WDR19: variants seen among roughly 807,000 people sequenced by gnomAD.
The protein encoded by WDR19 is WD repeat-containing protein 19.
A neutral mutation model predicts 180.0 loss-of-function variants in WDR19; 121 were observed. The ratio of observed to expected loss-of-function variants is 0.67; its 90% CI spans 0.58 to 0.78. The LOEUF (loss-of-function observed/expected upper bound fraction) is 0.78. Ranked by LOEUF, WDR19 falls within the 30% of genes least tolerant of loss-of-function variation. WDR19 has a pLI of 0.00. For missense variants in WDR19, 1,450 were observed against 1,640.7 expected, an observed-to-expected ratio of 0.88 and a Z score of 2.01; for synonymous variants, 497 against 540.7, an observed-to-expected ratio of 0.92 and a Z score of 1.12.
At chr4:39,243,747 A>G (rs1056482770) in intron 21 of WDR19, among the ~76,000 whole-genome samples, 2 of 152,226 alleles carry the variant, frequency 1.3e-5, no homozygotes, top group South Asian at 2.1e-4. Flanking sequence ...GCTGATTTAG[A>G]TAAAATATAA....
chr4:39,257,921 C>A (rs143800318), intron 28 of WDR19, among the ~76,000 whole-genome samples: 4 of 152,070 alleles, frequency 2.6e-5, no homozygotes, highest in African/African-American at 7.2e-5. Flanking sequence ...GTGTACCCCC[C>A]ACCCAGATCA....
At chr4:39,183,910 T>C (rs1725242820) in intron 1 of WDR19, among the ~76,000 whole-genome samples, 1 of 152,190 alleles carries the variant, frequency 6.6e-6, no homozygotes, top group African/African-American at 2.4e-5. Flanking sequence ...AAGTCAGCCA[T>C]TGAAGGTAAT....
chr4:39,214,791 G>A, intron 10 of WDR19, 120 bp downstream of exon 10: 1 of 496,632 alleles, frequency 2.0e-6, no homozygotes, highest in Non-Finnish European at 3.4e-6. Flanking sequence ...TTTTTTTTTT[G>A]AGATGGATTC....
chr4:39,259,460 T>A lies in WDR19; in HGVS notation c.3183+1906T>A, dbSNP rs532863310. ...ATTATAATCTTTCTGTTTCTGTGGA[T>A]TTGCCTATCCTAGACATTTTATATA... On this transcript the variant is annotated intron_variant, in intron 28 of 36. Coordinates refer to ENST00000399820, the MANE Select transcript of WDR19 (RefSeq NM_025132.4). 7.2e-5 allele frequency among the ~76,000 whole-genome samples: 11 copies of A among 152,326 alleles called. 1 individual carries two copies. In the East Asian group the frequency reaches 1.9e-3, roughly 27 times the overall value.
chr4:39,212,365 G>T (rs1014687710), intron 9 of WDR19, among the ~76,000 whole-genome samples: 10 of 152,158 alleles, frequency 6.6e-5, no homozygotes, highest in African/African-American at 2.4e-4. Flanking sequence ...AACATAGGAG[G>T]ATATCTTTTG....
rs1187870446 is a variant in WDR19 at position 39,278,558 on chromosome 4, A to C, written c.3937A>C (p.Thr1313Pro). The change falls in exon 36 of 37, where the codon ACA (threonine) becomes CCA (proline). Residue 1313 changes from threonine (T) to proline (P), a missense_variant. Coordinates refer to ENST00000399820, the MANE Select transcript of WDR19 (RefSeq NM_025132.4). ...ELKIMLNTES[T>P]CPMCSERLNA... ...AAACAGCATGCTAAACACTGAAAGC[A>C]CATGTCCTATGTGTTCAGAAAGATT... is the stretch of plus-strand genomic sequence containing the variant. 1.2e-6 allele frequency: 2 copies of C among 1,613,046 alleles called. No individual in the cohort carries two copies. The highest frequency in any genetic ancestry group is 1.7e-6 in the Non-Finnish European group (2 of 1,179,210).
intron 9 of WDR19, among the ~76,000 whole-genome samples, chr4:39,211,848 T>G (rs1242892349): frequency 6.6e-6 from 1 of 152,136 alleles, no homozygotes; most frequent in East Asian, 1.9e-4. Flanking sequence ...CCCAGGTTGA[T>G]CTATTGTTTA....
intron 21 of WDR19, among the ~76,000 whole-genome samples, chr4:39,240,677 C>A (rs901937696): frequency 6.6e-6 from 1 of 151,956 alleles, no homozygotes; most frequent in Non-Finnish European, 1.5e-5. Context: ...GTAGGCTGGA[C>A]GCGGTGGCTC....
chr4:39,214,926 C>A (rs1728910479), intron 10 of WDR19, among the ~76,000 whole-genome samples: 1 of 152,104 alleles, frequency 6.6e-6, no homozygotes, highest in South Asian at 2.1e-4. Flanking sequence ...GCACGTGCCA[C>A]CACGCCCAGC....
chr4:39,252,078 A>G (rs1733259922), intron 24 of WDR19, among the ~76,000 whole-genome samples: 2 of 151,864 alleles, frequency 1.3e-5, no homozygotes, highest in Admixed American at 6.5e-5. Context: ...TTGTGGCACT[A>G]TTCACAATAG....
At chr4:39,188,502 C>A (rs2109246516) in intron 3 of WDR19, among the ~76,000 whole-genome samples, 1 of 151,540 alleles carries the variant, frequency 6.6e-6, no homozygotes, top group East Asian at 1.9e-4. Flanking sequence ...TCGCTTAAGC[C>A]CTGGAATTCG....
intron 9 of WDR19, among the ~76,000 whole-genome samples, chr4:39,213,497 A>G (rs1477185162): frequency 2.0e-5 from 3 of 152,228 alleles, no homozygotes; most frequent in Admixed American, 2.0e-4. Flanking sequence ...ATATGATTTC[A>G]TTTATATAAT....
chr4:39,245,930 C>T (rs746697042), intron 24 of WDR19, among the ~76,000 whole-genome samples: 5 of 152,062 alleles, frequency 3.3e-5, no homozygotes, highest in Non-Finnish European at 7.4e-5. Context: ...TATTGTAATA[C>T]AGTTAAAATA....
At chr4:39,188,808 T>TG in intron 3 of WDR19, among the ~76,000 whole-genome samples, 1 of 152,108 alleles carries the variant, frequency 6.6e-6, no homozygotes, top group Non-Finnish European at 1.5e-5. Flanking sequence ...TGGAGTACAG[T>TG]GACACAAACA....
At chr4:39,276,009 G>A (rs2109518645) in intron 33 of WDR19, among the ~76,000 whole-genome samples, 1 of 152,298 alleles carries the variant, frequency 6.6e-6, no homozygotes, top group Non-Finnish European at 1.5e-5. Context: ...ATTTGGAAAA[G>A]AAAAAAGTCA....
intron 36 of WDR19, among the ~76,000 whole-genome samples, chr4:39,281,835 T>C (rs1358011232): frequency 6.6e-6 from 1 of 152,206 alleles, no homozygotes; most frequent in Non-Finnish European, 1.5e-5. Flanking sequence ...AGTCTTTTTC[T>C]AGTCTATTTG....
chr4:39,231,890 G>A lies in WDR19; in HGVS notation c.2076G>A (p.Glu692=), dbSNP rs1730908214. 3.1e-6 allele frequency: 5 copies of A among 1,613,662 alleles called. No individual in the cohort carries two copies. The highest frequency in any genetic ancestry group is 4.2e-6 in the Non-Finnish European group (5 of 1,179,614). ...CTTGTCTACATCACATGGAAGTGGA[G>A]TTTGCAATCCGTGTTTATCGGAGAA... ...ARACLHHMEV[E]FAIRVYRRIG... The change falls in exon 18 of 37, where the codon GAG becomes GAA. Residue 692 remains glutamate, a synonymous_variant. Transcript: ENST00000399820.
At chr4:39,274,755 C>A in intron 32 of WDR19, 53 bp from the exon 33 acceptor site, 1 of 1,586,972 alleles carries the variant, frequency 6.3e-7, no homozygotes, top group Non-Finnish European at 8.6e-7. Context: ...CCGCCTGTAT[C>A]ACTGAGGACA....
chr4:39,234,977 T>A (rs2109378074), intron 20 of WDR19, 102 bp downstream of exon 20: 1 of 681,934 alleles, frequency 1.5e-6, no homozygotes, highest in East Asian at 2.8e-5. Context: ...GATTTAATAA[T>A]TTTTTTAGAG....
Sources: allele counts gnomAD v4.1 joint callset (sites outside exome capture counted in the v4.1 genomes callset), GRCh38; gene constraint gnomAD v4.1.1; transcripts MANE v1.5; gene names NCBI Gene and HGNC (gene_info 2026-07-23, HGNC 2026-07-21).